The following CABCOCO1 variants were observed in gnomAD, a reference collection of about 807,000 sequenced individuals.
CABCOCO1 encodes ciliary-associated calcium-binding coiled-coil protein 1.
In CABCOCO1, 28 loss-of-function variants were observed where a neutral mutation model predicts 35.7. The observed-to-expected ratio is 0.78, with a 90% CI of 0.58 to 1.07. The LOEUF is 1.07. Ranked by LOEUF, CABCOCO1 falls within the 50% of genes least tolerant of loss-of-function variation. The probability of loss-of-function intolerance (pLI) is 0.00; values close to 1 mark genes in which losing one functional copy is unlikely to be tolerated. For synonymous variants in CABCOCO1, 95 were observed against 100.1 expected (o/e 0.95, Z 0.30); for missense variants, 326 against 309.2 (o/e 1.05, Z -0.41).
chr10:61,680,400 A>G (rs1267944263), intron 2 of CABCOCO1, among the ~76,000 whole-genome samples: 1 of 135,084 alleles, frequency 7.4e-6, no homozygotes, highest in South Asian at 2.2e-4. Context: ...ATATATTTTT[A>G]TATATAACAT....
intron 2 of CABCOCO1, among the ~76,000 whole-genome samples, chr10:61,673,404 T>C (rs1226180484): frequency 6.6e-6 from 1 of 152,200 alleles, no homozygotes; most frequent in East Asian, 1.9e-4. Flanking sequence ...CCACTTAGAA[T>C]GGAAGCCTAA....
intron 5 of CABCOCO1, among the ~76,000 whole-genome samples, chr10:61,712,262 T>C (rs529986992): frequency 6.6e-6 from 1 of 152,362 alleles, no homozygotes; most frequent in African/African-American, 2.4e-5. Context: ...TGACCAGTGA[T>C]GATGAGCATT....
chr10:61,709,758 G>T (rs373981040), intron 5 of CABCOCO1, among the ~76,000 whole-genome samples: 23 of 150,414 alleles, frequency 1.5e-4, no homozygotes, highest in Non-Finnish European at 1.9e-4. Flanking sequence ...CTCATTTTTC[G>T]TAGGGTTCCA....
At chr10:61,752,113 C>A (rs1243227039) in intron 5 of CABCOCO1, among the ~76,000 whole-genome samples, 1 of 152,012 alleles carries the variant, frequency 6.6e-6, no homozygotes, top group African/African-American at 2.4e-5. Context: ...GTACCTAGAC[C>A]CATTCTGTAT....
intron 5 of CABCOCO1, among the ~76,000 whole-genome samples, chr10:61,723,836 G>A (rs975067256): frequency 5.9e-5 from 9 of 152,092 alleles, no homozygotes; most frequent in Admixed American, 2.0e-4. Flanking sequence ...AATTGAGGCT[G>A]GAGGGAACAC....
chr10:61,697,372 G>A (rs1840323803), intron 5 of CABCOCO1, among the ~76,000 whole-genome samples: 1 of 152,044 alleles, frequency 6.6e-6, no homozygotes, highest in African/African-American at 2.4e-5. Context: ...AATGAATGTA[G>A]TAGATTCCTA....
chr10:61,749,155 G>C (rs1841727752), intron 5 of CABCOCO1, among the ~76,000 whole-genome samples: 1 of 152,090 alleles, frequency 6.6e-6, no homozygotes. Context: ...GATTTAAATG[G>C]CCTCCAGAAA....
intron 3 of CABCOCO1, among the ~76,000 whole-genome samples, chr10:61,685,799 G>T (rs1427669586): frequency 6.6e-6 from 1 of 152,210 alleles, no homozygotes; most frequent in Non-Finnish European, 1.5e-5. Flanking sequence ...ATGGGCTCAA[G>T]TGATCCACCC....
At chr10:61,692,189 A>G (rs1052380620) in intron 5 of CABCOCO1, among the ~76,000 whole-genome samples, 5 of 152,108 alleles carry the variant, frequency 3.3e-5, no homozygotes, top group Non-Finnish European at 7.4e-5. Context: ...CACCATTTTA[A>G]CTAGTGTGAG....
intron 4 of CABCOCO1, among the ~76,000 whole-genome samples, chr10:61,687,423 T>C (rs902386532): frequency 3.9e-5 from 6 of 152,196 alleles, no homozygotes; most frequent in African/African-American, 1.4e-4. Context: ...TGTATTAGCA[T>C]CCTTATTTTC....
rs556778324 is a variant in CABCOCO1 at position 61,713,943 on chromosome 10, T to C, written c.552+23322T>C. Among the ~76,000 whole-genome samples the C allele has an allele frequency of 7.2e-5, 11 of 152,336 alleles. 1 individual carries two copies. In the East Asian group the frequency reaches 1.7e-3, roughly 24 times the overall value. On this transcript the variant is annotated intron_variant, in intron 5 of 7. Transcript: ENST00000648843. ...TTTATTGAGGATTTTGCATCGATGT[T>C]CATCAGGGATATTGGTCTACAATTC...
intron 4 of CABCOCO1, among the ~76,000 whole-genome samples, chr10:61,689,305 A>C (rs1024139746): frequency 1.3e-5 from 2 of 152,176 alleles, no homozygotes; most frequent in African/African-American, 2.4e-5. Context: ...TGCATCATTG[A>C]ATTATCAGAC....
intron 5 of CABCOCO1, among the ~76,000 whole-genome samples, chr10:61,712,583 C>T (rs10994892): frequency 0.55 from 83,702 of 151,954 alleles, 23,869 homozygotes; most frequent in Admixed American, 0.68. Flanking sequence ...CTTGCCCATG[C>T]CTATGTCCTG....
intron 5 of CABCOCO1, among the ~76,000 whole-genome samples, chr10:61,699,350 T>C (rs148083802): frequency 6.6e-6 from 1 of 152,204 alleles, no homozygotes; most frequent in African/African-American, 2.4e-5. Context: ...TCCAGCAAAA[T>C]AACTGATAAA....
intron 5 of CABCOCO1, among the ~76,000 whole-genome samples, chr10:61,710,598 T>C (rs1299310194): frequency 6.6e-6 from 1 of 151,968 alleles, no homozygotes; most frequent in Non-Finnish European, 1.5e-5. Flanking sequence ...ATGGACTATC[T>C]TGTAAAAAAC....
At chr10:61,760,572 G>A (rs1468864192) in intron 6 of CABCOCO1, among the ~76,000 whole-genome samples, 3 of 151,964 alleles carry the variant, frequency 2.0e-5, no homozygotes. Context: ...TGGACACAGG[G>A]AGGAGAACAA....
intron 1 of CABCOCO1, among the ~76,000 whole-genome samples, chr10:61,666,968 ATAT>A (rs554980546): frequency 4.3e-4 from 60 of 140,872 alleles, no homozygotes; most frequent in African/African-American, 1.5e-3. Flanking sequence ...ATATAATTAT[ATAT>A]TATATATAAA....
rs774287776 is a variant in CABCOCO1, at chr10:61,681,327, T to C, written c.334+15T>C. 13 of 1,503,024 alleles carry C rather than the reference T, an allele frequency of 8.6e-6. No homozygotes were observed. In the African/African-American group the frequency reaches 1.6e-4, roughly 18 times the overall value. 93.1% of individuals were successfully genotyped at this position (1,503,024 alleles called of 1,614,324 possible). On this transcript the variant is annotated intron_variant, in intron 3 of 7. Transcript: ENST00000648843. ...AAATCTTAAAAGTAAGTACACTATT[T>C]TCCTTTGAAGTAAAACAAATTTAAT...
Position 61,681,283 on chromosome 10 carries a change from T to C in CABCOCO1, c.305T>C (p.Leu102Ser). The change falls in exon 3 of 8, where the codon TTA (leucine) becomes TCA (serine). Residue 102 changes from leucine to serine, a missense_variant. Physicochemically the swap from Leu to Ser is moderately radical, Grantham distance 145 (BLOSUM62 -2). Coordinates refer to ENST00000648843, the MANE Select transcript of CABCOCO1 (RefSeq NM_001366906.2). Reference protein sequence around the residue: ...SIIQYSKFMTLLAMSLQNLKT... With the variant: ...SIIQYSKFMTSLAMSLQNLKT... ...ATTCAGTATTCAAAATTTATGACTT[T>C]ACTAGCTATGTCACTTCAAAATCTT... The C allele has an allele frequency of 1.9e-6, 3 of 1,567,594 alleles. No individual in the cohort carries two copies. Among genetic ancestry groups the C allele is most frequent in the Non-Finnish European group, 2.6e-6 (3 of 1,148,932 alleles).
Sources: gnomAD v4.1 joint callset for allele counts (sites outside exome capture counted in the v4.1 genomes callset) on GRCh38, gnomAD v4.1.1 for gene constraint, MANE v1.5 for transcripts, NCBI Gene and HGNC (gene_info 2026-07-23, HGNC 2026-07-21) for gene names.